ADRA1D: variants seen among roughly 807,000 people sequenced by gnomAD.
ADRA1D encodes adrenoceptor alpha 1D.
In ADRA1D, 22 loss-of-function variants were observed where a neutral mutation model predicts 18.6. The observed-to-expected ratio is 1.19, with a 90% CI of 0.85 to 1.69. The LOEUF is 1.69. ADRA1D is among the 40% of genes most tolerant of loss of function. The pLI, the probability that ADRA1D is intolerant of heterozygous loss-of-function variation, is 0.00. For missense variants in ADRA1D, 840 were observed against 840.7 expected, an observed-to-expected ratio of 1.00 and a Z score of 0.01; for synonymous variants, 376 against 388.2, an observed-to-expected ratio of 0.97 and a Z score of 0.37.
In ADRA1D at chr20:4,221,826, G is replaced by T. The variant is rs751728677; in HGVS notation, c.1416C>A (p.Pro472=). The change falls in exon 2 of 2, where the codon CCC becomes CCA. Residue 472 remains proline, a synonymous_variant. Transcript: ENST00000379453. ...GCATCTCGGGCGTGCCTGGGGGTTC[G>T]GGGTCGGGGTCGGGGAGCGCGGTGA... is the stretch of plus-strand genomic sequence containing the variant. ...LALTALPDPD[P]EPPGTPEMQA... is the part of the protein sequence containing the mutation. 5 of 1,499,890 alleles carry T rather than the reference G, an allele frequency of 3.3e-6. No homozygotes were observed. In the Admixed American group the frequency reaches 6.4e-5, roughly 19 times the overall value. 92.9% of individuals were successfully genotyped at this position (1,499,890 alleles called of 1,614,324 possible).
intron 1 of ADRA1D, among the ~76,000 whole-genome samples, chr20:4,241,518 A>T (rs1239395909): frequency 1.3e-5 from 2 of 152,164 alleles, no homozygotes; most frequent in East Asian, 3.9e-4. Context: ...GCAGGATGGG[A>T]ATAGAACATG....
intron 1 of ADRA1D, among the ~76,000 whole-genome samples, chr20:4,230,426 C>T (rs1050406065): frequency 6.6e-6 from 1 of 152,230 alleles, no homozygotes. Context: ...GTCACCACGT[C>T]CTGTGCGGTA....
chr20:4,239,004 T>C lies in ADRA1D; in HGVS notation c.1111+8843A>G, dbSNP rs1409794956. On this transcript the variant is annotated intron_variant, in intron 1 of 1. Transcript: ENST00000379453. This position sits in a 1 kb window ranked among gnomAD's most constrained non-coding sequence, Gnocchi z 4.9. ...GGCTGGGGTTGATGAGCAGGTGTAA[T>C]GGGAACCAAGCAGGGAGGACAGGAG... Among the ~76,000 whole-genome samples the C allele has an allele frequency of 6.6e-6, 1 of 151,400 alleles. No individual in the cohort carries two copies. The highest frequency in any genetic ancestry group is 1.9e-4 in the East Asian group (1 of 5,156).
rs1018143756 is a variant in ADRA1D at position 4,247,096 on chromosome 20, G to A, written c.1111+751C>T. Among the ~76,000 whole-genome samples the A allele has an allele frequency of 6.6e-5, 10 of 152,224 alleles. No individual in the cohort carries two copies. The South Asian group carries it at 1.4e-3, about 22-fold the overall frequency. On this transcript the variant is annotated intron_variant, in intron 1 of 1. Coordinates refer to ENST00000379453, the MANE Select transcript of ADRA1D (RefSeq NM_000678.4). ...CCAAGACAGGCCTCAAGGGGTAGGA[G>A]GCGGCCTCTGAAGACAGCTGCCTAC...
chr20:4,232,396 G>A (rs6107427), intron 1 of ADRA1D, among the ~76,000 whole-genome samples: 2,793 of 152,256 alleles, frequency 0.018, 85 homozygotes, highest in African/African-American at 0.064. Context: ...GTGCGTGCTC[G>A]GAGCATGCTT....
chr20:4,233,875 A>T (rs78993617), intron 1 of ADRA1D, among the ~76,000 whole-genome samples: 1,964 of 152,220 alleles, frequency 0.013, 48 homozygotes, highest in African/African-American at 0.044. Flanking sequence ...CCAAAAACAG[A>T]ACTCCTGCCC....
Position 4,222,000 on chromosome 20 carries a change from G to A in ADRA1D, c.1242C>T (p.Leu414=). 1 of 1,590,614 alleles carries A rather than the reference G, an allele frequency of 6.3e-7. No individual in the cohort carries two copies. Among genetic ancestry groups the A allele is most frequent in the Non-Finnish European group, 8.6e-7 (1 of 1,168,692 alleles). The part of the protein sequence containing the change: ...CSSREFKRAF[L]RLLRCQCRRR... ...GACGGCACTGGCAGCGCAGGAGACG[G>A]AGGAAGGCGCGCTTGAACTCGCGGC... The change falls in exon 2 of 2, where the codon CTC becomes CTT. Residue 414 remains leucine (L), a synonymous_variant. Coordinates refer to ENST00000379453, the MANE Select transcript of ADRA1D (RefSeq NM_000678.4).
rs1343893028 is a variant in ADRA1D, at chr20:4,248,451, G to T, written c.507C>A (p.Cys169Ter). ...GCACGTCCACGGCGGCCCATACGTC[G>T]CAGAAGGCGCGGCCAAAGGCCCAGA... Reference protein sequence around the residue: ...LGFWAFGRAFCDVWAAVDVLC... With the variant: ...LGFWAFGRAF Residue 169 changes from cysteine (C) to a stop codon, truncating the protein, a stop_gained, in exon 1 of 2, where the codon TGC becomes TGA. Transcript: ENST00000379453. LOFTEE classifies it high-confidence loss of function. 1 of 1,612,360 alleles carries T rather than the reference G, an allele frequency of 6.2e-7. No individual in the cohort carries two copies. The highest frequency in any genetic ancestry group is 8.5e-7 in the Non-Finnish European group (1 of 1,179,344).
At position 4,221,889 on chromosome 20, in the gene ADRA1D, CG is replaced by C; in HGVS notation, c.1352del (p.Pro451ArgfsTer94). On this transcript the variant is annotated frameshift_variant, in exon 2 of 2. Transcript: ENST00000379453. LOFTEE classifies it low-confidence loss of function (END_TRUNC). ...STSGLRQDCA[P>X]SSGDAPPGAP... ...CTCCGGGGGGCGCGTCGCCCGAACT[CG>C]GGGCGCAGTCCTGGCGCAGGCCGCT... The C allele has an allele frequency of 2.0e-6, 3 of 1,488,422 alleles. No homozygotes were observed. Among genetic ancestry groups the C allele is most frequent in the South Asian group, 2.6e-5 (2 of 77,916 alleles). The allele number at this position is 1,488,422 out of a possible 1,614,324, so 92.2% of individuals were successfully genotyped here. A position where few individuals can be genotyped will look rare whatever the true frequency, so the allele number is the denominator to read the frequency against.
chr20:4,234,618 C>T (rs1568766188), intron 1 of ADRA1D, among the ~76,000 whole-genome samples: 1 of 152,138 alleles, frequency 6.6e-6, no homozygotes, highest in Non-Finnish European at 1.5e-5. Flanking sequence ...CCCTTCCTCT[C>T]CCCCAGTTTG....
chr20:4,248,190 G>A lies in ADRA1D; in HGVS notation c.768C>T (p.Val256=). The A allele has an allele frequency of 1.9e-6, 3 of 1,588,020 alleles. No individual in the cohort carries two copies. ...GGTAGAAGGAGCACACGGAGGAGAA[G>A]ACAGCGTAGCCCGCCTCCTCGGTGA... The part of the protein sequence containing the change: ...CGITEEAGYA[V]FSSVCSFYLP... Residue 256 remains valine, a synonymous_variant, in exon 1 of 2, where the codon GTC becomes GTT. Transcript: ENST00000379453.
intron 1 of ADRA1D, among the ~76,000 whole-genome samples, chr20:4,225,428 C>CTTTTTTTTTT (rs11474446): frequency 5.0e-5 from 6 of 119,516 alleles, no homozygotes; most frequent in East Asian, 4.8e-4. Flanking sequence ...TTTTTTCTTT[C>CTTTTTTTTTT]TTTTTTTTTT....
In ADRA1D at chr20:4,248,533, T is replaced by C. The variant is rs1465375495; in HGVS notation, c.425A>G (p.Asp142Gly). 6 of 1,613,822 alleles carry C rather than the reference T, an allele frequency of 3.7e-6. No homozygotes were observed. Among genetic ancestry groups the C allele is most frequent in the Non-Finnish European group, 5.1e-6 (6 of 1,179,944 alleles). ...CAGTACGGTGGCGCTCAGCAGCAGG[T>C]CGGCCACGGCCAGGTTCACGATGAA... The part of the protein sequence containing the change: ...NYFIVNLAVA[D>G]LLLSATVLPF... Residue 142 changes from aspartate (D) to glycine (G), a missense_variant, in exon 1 of 2, where the codon GAC (aspartate) becomes GGC (glycine). By Grantham distance (94) the Asp-to-Gly change is moderately conservative. Coordinates refer to ENST00000379453, the MANE Select transcript of ADRA1D (RefSeq NM_000678.4).
intron 1 of ADRA1D, among the ~76,000 whole-genome samples, chr20:4,227,676 T>TCTC (rs1460672813): frequency 3.8e-5 from 4 of 106,202 alleles, no homozygotes; most frequent in African/African-American, 6.7e-5. Flanking sequence ...CCTTCCTTCC[T>TCTC]TCCTTCCCTC....
In ADRA1D at chr20:4,247,926, C is replaced by A. The variant is rs764659132; in HGVS notation, c.1032G>T (p.Lys344Asn). ...SVRLLKFSRE[K>N]KAAKTLAIVV... ...CGATGGCCAGAGTCTTGGCCGCTTTCTTCTCACGGGAGAACTTGAGCAGGC... is the reference window on the plus strand; with the variant it reads ...CGATGGCCAGAGTCTTGGCCGCTTTATTCTCACGGGAGAACTTGAGCAGGC... Residue 344 changes from lysine (K) to asparagine (N), a missense_variant, in exon 1 of 2, where the codon AAG becomes AAT. Physicochemically the swap from Lys to Asn is moderately conservative, Grantham distance 94. Coordinates refer to ENST00000379453, the MANE Select transcript of ADRA1D (RefSeq NM_000678.4). 8.0e-5 allele frequency: 128 copies of A among 1,604,768 alleles called. No homozygotes were observed. Among genetic ancestry groups the A allele is most frequent in the Non-Finnish European group, 1.0e-4 (120 of 1,175,964 alleles).
Position 4,221,276 on chromosome 20 carries a change from C to T in ADRA1D, c.*247G>A, listed in dbSNP as rs1225894250. The stretch of plus-strand genomic sequence containing the variant: ...ATTGGGAGCAAAAGGCCCCACGGAG[C>T]CCGCAGCCTCTCCCTTCTAAGAAAA... On this transcript the variant is annotated 3_prime_UTR_variant, in exon 2 of 2. Coordinates refer to ENST00000379453, the MANE Select transcript of ADRA1D (RefSeq NM_000678.4). 9 of 432,584 alleles carry T rather than the reference C, an allele frequency of 2.1e-5. No homozygotes were observed. The highest frequency in any genetic ancestry group is 2.0e-5 in the Non-Finnish European group (5 of 246,842). 26.8% of individuals were successfully genotyped at this position (432,584 alleles called of 1,614,324 possible). A position where few individuals can be genotyped will look rare whatever the true frequency, so the allele number is the denominator to read the frequency against.
At chr20:4,232,113 C>T (rs1166529244) in intron 1 of ADRA1D, among the ~76,000 whole-genome samples, 3 of 152,194 alleles carry the variant, frequency 2.0e-5, no homozygotes, top group African/African-American at 7.2e-5. Context: ...GGGGCTTCGC[C>T]ATGTTGGCCA....
intron 1 of ADRA1D, among the ~76,000 whole-genome samples, chr20:4,225,428 C>CTTTTTTTTTTTTTTTTTTTTTTTTTATT: frequency 8.4e-6 from 1 of 119,540 alleles, no homozygotes; most frequent in Non-Finnish European, 1.7e-5. Context: ...TTTTTTCTTT[C>CTTTTTTTTTTTTTTTTTTTTTTTTTATT]TTTTTTTTTT....
intron 1 of ADRA1D, among the ~76,000 whole-genome samples, chr20:4,233,427 C>T (rs1255882162): frequency 6.6e-6 from 1 of 152,056 alleles, no homozygotes; most frequent in Non-Finnish European, 1.5e-5. Context: ...CATCACTGCA[C>T]TCTAGTCTGG....
Sources: gnomAD v4.1 joint callset for allele counts (sites outside exome capture counted in the v4.1 genomes callset) on GRCh38, gnomAD v4.1.1 for gene constraint, Gnocchi (gnomAD v3.1) non-coding constraint, MANE v1.5 for transcripts, NCBI Gene and HGNC (gene_info 2026-07-23, HGNC 2026-07-21) for gene names.